NAF1: variants seen among roughly 807,000 people sequenced by gnomAD.
The protein encoded by NAF1 is H/ACA ribonucleoprotein complex non-core subunit NAF1.
NAF1 carries 11 observed loss-of-function variants against 40.6 expected under a neutral mutation model. The observed-to-expected ratio is 0.27, with a 90% CI of 0.17 to 0.45. The LOEUF is 0.45. NAF1 is among the 20% of genes least tolerant of loss of function. NAF1 has a pLI of 1.00. For missense variants in NAF1, 607 were observed against 611.1 expected, an observed-to-expected ratio of 0.99 and a Z score of 0.07; for synonymous variants, 260 against 228.5, an observed-to-expected ratio of 1.14 and a Z score of -1.24.
chr4:163,127,884 T>C (rs1730714918), downstream of NAF1, among the ~76,000 whole-genome samples: 2 of 152,178 alleles, frequency 1.3e-5, no homozygotes, highest in Admixed American at 1.3e-4. Context: ...AAACATCTAC[T>C]TAGTGGAAAC....
At chr4:163,161,642 A>T (rs1409890243) in intron 2 of NAF1, among the ~76,000 whole-genome samples, 1 of 152,126 alleles carries the variant, frequency 6.6e-6, no homozygotes, top group Non-Finnish European at 1.5e-5. Flanking sequence ...TTTCGAATAA[A>T]CTTCCATTTC....
At chr4:163,104,149 C>A in the NAF1 span, among the ~76,000 whole-genome samples, 1 of 152,056 alleles carries the variant, frequency 6.6e-6, no homozygotes, top group Non-Finnish European at 1.5e-5. Flanking sequence ...CAAGGTTAAT[C>A]GCTCAGTTAA....
intron 4 of NAF1, among the ~76,000 whole-genome samples, chr4:163,142,163 G>A (rs1371406786): frequency 3.9e-5 from 6 of 152,200 alleles, no homozygotes; most frequent in Admixed American, 2.0e-4. Context: ...GACAGAAGAG[G>A]TGCACTCAGC....
chr4:163,104,980 T>C, the NAF1 span, among the ~76,000 whole-genome samples: 2 of 152,230 alleles, frequency 1.3e-5, no homozygotes, highest in African/African-American at 4.8e-5. Context: ...CGTTGAAATT[T>C]TCTTTATTAG....
chr4:163,140,088 A>G (rs1363802489), intron 5 of NAF1, 135 bp downstream of exon 5: 2 of 639,918 alleles, frequency 3.1e-6, no homozygotes, highest in African/African-American at 3.8e-5. Flanking sequence ...TAGGCTTCAA[A>G]GATATTATTA....
At chr4:163,148,795 C>T (rs947185371) in intron 2 of NAF1, among the ~76,000 whole-genome samples, 2 of 152,128 alleles carry the variant, frequency 1.3e-5, no homozygotes, top group Admixed American at 6.5e-5. Context: ...AATAATTCTA[C>T]TAGTAACTAT....
rs980214392 is a variant in NAF1, at chr4:163,116,441, G to A, written c.115-6151C>T. Among the ~76,000 whole-genome samples, 7 of 152,140 alleles carry A rather than the reference G, an allele frequency of 4.6e-5. 1 individual carries two copies. Among genetic ancestry groups the A allele is most frequent in the Admixed American group, 4.6e-4 (7 of 15,270 alleles). Reference sequence around the variant, plus strand: ...GAGATCTGTATTAAGGCATATATGGGTATTAAATATATGCAGTTAGTTTCT... The same window carrying A: ...GAGATCTGTATTAAGGCATATATGGATATTAAATATATGCAGTTAGTTTCT... On this transcript the variant is annotated intron_variant, in intron 2 of 2. Coordinates refer to the NAF1 transcript ENST00000509434.
chr4:163,139,189 T>C (rs1731164288), intron 5 of NAF1, among the ~76,000 whole-genome samples: 1 of 152,128 alleles, frequency 6.6e-6, no homozygotes, highest in East Asian at 1.9e-4. Context: ...TTGGTACCTT[T>C]GACATAATAC....
intron 2 of NAF1, among the ~76,000 whole-genome samples, chr4:163,117,749 A>C (rs896500298): frequency 8.7e-5 from 13 of 149,392 alleles, no homozygotes; most frequent in Non-Finnish European, 1.6e-4. Flanking sequence ...ATTCGTTGCT[A>C]TCTGTAAAGG....
chr4:163,133,374 C>G (rs1730943079), intron 6 of NAF1, 118 bp from the exon 7 acceptor site: 1 of 636,022 alleles, frequency 1.6e-6, no homozygotes, highest in South Asian at 2.4e-5. Context: ...AAAAAGTTGT[C>G]TTTTTGATAC....
intron 2 of NAF1, among the ~76,000 whole-genome samples, chr4:163,162,566 C>T (rs1302708398): frequency 6.6e-6 from 1 of 152,204 alleles, no homozygotes; most frequent in Non-Finnish European, 1.5e-5. Context: ...CATACACTTA[C>T]ACAATTCAAT....
At chr4:163,158,108 A>T (rs1732066342) in intron 2 of NAF1, 1 of 152,134 alleles carries the variant, frequency 6.6e-6, no homozygotes, top group South Asian at 2.1e-4. Flanking sequence ...AATGAAAACT[A>T]AACCTTTTTG....
intron 3 of NAF1, among the ~76,000 whole-genome samples, chr4:163,147,308 A>C (rs1045057341): frequency 3.3e-5 from 5 of 152,190 alleles, no homozygotes; most frequent in African/African-American, 1.2e-4. Flanking sequence ...AACTGGTCCT[A>C]AGAGCAACTG....
At chr4:163,164,170 T>G (rs1481966546) in intron 2 of NAF1, 47 bp downstream of exon 2, 5 of 1,443,568 alleles carry the variant, frequency 3.5e-6, no homozygotes, top group Non-Finnish European at 4.6e-6. Context: ...GGTACCAGAA[T>G]ACGTTTTAAA....
downstream of NAF1, among the ~76,000 whole-genome samples, chr4:163,127,988 C>T (rs1255229236): frequency 6.6e-6 from 1 of 152,296 alleles, no homozygotes; most frequent in Non-Finnish European, 1.5e-5. Context: ...CTTTGGAACA[C>T]TTAGGCTCCT....
intron 2 of NAF1, chr4:163,120,083 T>C (rs1490391754): frequency 6.6e-6 from 1 of 152,258 alleles, no homozygotes; most frequent in Non-Finnish European, 1.5e-5. Context: ...AAATCATGTC[T>C]GAGATGAAAT....
chr4:163,110,307 T>C, intron 2 of NAF1: 1 of 698,514 alleles, frequency 1.4e-6, no homozygotes, highest in Non-Finnish European at 2.6e-6. Context: ...ATAGGTGAGG[T>C]AAAATCAGAT....
intron 2 of NAF1, among the ~76,000 whole-genome samples, chr4:163,113,456 G>A (rs72695092): frequency 0.067 from 10,190 of 151,600 alleles, 405 homozygotes; most frequent in Non-Finnish European, 0.09. Flanking sequence ...CAATTAGACC[G>A]TATATCCTTT....
chr4:163,130,618 A>T (rs28826687), intron 7 of NAF1, among the ~76,000 whole-genome samples: 1 of 152,192 alleles, frequency 6.6e-6, no homozygotes, highest in South Asian at 2.1e-4. Flanking sequence ...CCACATAAAC[A>T]TACAAAAATA....
Sources: allele counts gnomAD v4.1 joint callset (sites outside exome capture counted in the v4.1 genomes callset), GRCh38; gene constraint gnomAD v4.1.1; transcripts MANE v1.5; gene names NCBI Gene and HGNC (gene_info 2026-07-23, HGNC 2026-07-21).